The following CLASP1 variants were observed in gnomAD, a reference collection of about 807,000 sequenced individuals.
CLASP1 encodes CLIP-associating protein 1.
A neutral mutation model predicts 192.3 loss-of-function variants in CLASP1; 38 were observed. That is an observed-to-expected ratio of 0.20 (90% CI 0.15 to 0.26). The LOEUF is 0.26. CLASP1 is among the 10% of genes least tolerant of loss of function. The pLI is 1.00. For missense variants in CLASP1, 1,433 were observed against 1,932.5 expected (o/e 0.74, Z 4.85); for synonymous variants, 691 against 712.8 (o/e 0.97, Z 0.49).
chr2:121,373,134 G>C (rs2069119968), intron 34 of CLASP1, among the ~76,000 whole-genome samples: 1 of 152,152 alleles, frequency 6.6e-6, no homozygotes, highest in Admixed American at 6.5e-5. Flanking sequence ...TTCGATCACG[G>C]GGGTGGAATT....
At chr2:121,644,766 G>A (rs2072838315) in intron 1 of CLASP1, among the ~76,000 whole-genome samples, 1 of 152,076 alleles carries the variant, frequency 6.6e-6, no homozygotes, top group Non-Finnish European at 1.5e-5. Context: ...AACATGGTGA[G>A]GCCCTATCTC....
chr2:121,494,171 C>T (rs1400042092), intron 8 of CLASP1, among the ~76,000 whole-genome samples: 2 of 152,160 alleles, frequency 1.3e-5, no homozygotes, highest in Non-Finnish European at 2.9e-5. Flanking sequence ...CAGCACTGTT[C>T]ACAATAGCCA....
chr2:121,451,410 T>C (rs1343380802), intron 15 of CLASP1, among the ~76,000 whole-genome samples: 3 of 152,142 alleles, frequency 2.0e-5, no homozygotes, highest in Non-Finnish European at 4.4e-5. Context: ...CTACATCAAA[T>C]ACAGAGGGAG....
intron 25 of CLASP1, among the ~76,000 whole-genome samples, chr2:121,406,819 G>A (rs577300780): frequency 1.3e-5 from 2 of 152,234 alleles, no homozygotes; most frequent in South Asian, 2.1e-4. Context: ...TCGAACTCCT[G>A]GAGTCAAGTG....
chr2:121,463,101 T>G (rs929185702), intron 9 of CLASP1, among the ~76,000 whole-genome samples: 2 of 152,218 alleles, frequency 1.3e-5, no homozygotes, highest in Non-Finnish European at 2.9e-5. Flanking sequence ...TAACTGTCAT[T>G]TTTTTCACTT....
At chr2:121,509,507 T>G (rs150499705) in intron 7 of CLASP1, among the ~76,000 whole-genome samples, 1 of 152,248 alleles carries the variant, frequency 6.6e-6, no homozygotes, top group African/African-American at 2.4e-5. Context: ...TGGAACATTA[T>G]CCAGGAGTCC....
chr2:121,633,780 G>A (rs572948224), intron 1 of CLASP1, among the ~76,000 whole-genome samples: 11 of 152,236 alleles, frequency 7.2e-5, no homozygotes, highest in Admixed American at 7.2e-4. Context: ...GCAGAGGTGA[G>A]TGGATCATGA....
exon 30 of CLASP1, chr2:121,397,181 T>C (rs200743120): frequency 2.5e-6 from 4 of 1,613,828 alleles, no homozygotes; most frequent in South Asian, 2.2e-5. Context: ...GTCCAGGTTA[T>C]GATTCTAGAA....
chr2:121,620,756 G>A (rs2067208559), intron 1 of CLASP1, among the ~76,000 whole-genome samples: 1 of 152,026 alleles, frequency 6.6e-6, no homozygotes, highest in Non-Finnish European at 1.5e-5. Flanking sequence ...TTTTACTGTT[G>A]ATTTTAAGAA....
chr2:121,624,017 T>C (rs923508189), intron 1 of CLASP1, among the ~76,000 whole-genome samples: 7 of 152,220 alleles, frequency 4.6e-5, no homozygotes, highest in Admixed American at 1.3e-4. Context: ...ATGTCCCTTC[T>C]TTCATTCCTC....
At chr2:121,583,911 G>A (rs994402327) in intron 2 of CLASP1, among the ~76,000 whole-genome samples, 8 of 151,942 alleles carry the variant, frequency 5.3e-5, no homozygotes, top group Admixed American at 1.3e-4. Flanking sequence ...GTAAAAAATC[G>A]TGGGGAGGGC....
At chr2:121,549,288 C>T (rs1291128281) in intron 2 of CLASP1, among the ~76,000 whole-genome samples, 3 of 152,126 alleles carry the variant, frequency 2.0e-5, no homozygotes, top group Non-Finnish European at 4.4e-5. Flanking sequence ...GGGTTGCAAT[C>T]CTAATTTCAG....
At chr2:121,402,623 T>C (rs535479503) in intron 26 of CLASP1, 9 of 518,962 alleles carry the variant, frequency 1.7e-5, no homozygotes, top group South Asian at 1.1e-4. Flanking sequence ...TGGAAACAAA[T>C]TTCCTTCTTT....
At chr2:121,625,306 T>G (rs1235583757) in intron 1 of CLASP1, among the ~76,000 whole-genome samples, 1 of 152,102 alleles carries the variant, frequency 6.6e-6, no homozygotes, top group Admixed American at 6.6e-5. Flanking sequence ...AAAGCAAGTC[T>G]CCCTTCAAAA....
At chr2:121,446,331 T>C (rs990987169) in intron 19 of CLASP1, among the ~76,000 whole-genome samples, 4 of 152,298 alleles carry the variant, frequency 2.6e-5, no homozygotes, top group South Asian at 4.1e-4. Flanking sequence ...GTATGGAAAA[T>C]AGACCTACAG....
intron 39 of CLASP1, among the ~76,000 whole-genome samples, chr2:121,342,382 T>G (rs1162136606): frequency 2.6e-5 from 4 of 152,168 alleles, no homozygotes; most frequent in African/African-American, 9.7e-5. Flanking sequence ...CCTCCCAAAG[T>G]GCTGGGATTA....
At chr2:121,443,641 A>AT (rs946076866) in intron 19 of CLASP1, among the ~76,000 whole-genome samples, 14 of 151,920 alleles carry the variant, frequency 9.2e-5, no homozygotes, top group South Asian at 2.1e-4. Context: ...TAATTCTGGA[A>AT]TTTTTTTTTA....
At chr2:121,521,769 C>G (rs10221809) in intron 6 of CLASP1, among the ~76,000 whole-genome samples, 19,467 of 152,088 alleles carry the variant, frequency 0.13, 1,693 homozygotes, top group African/African-American at 0.24. Context: ...CGCACACTGG[C>G]TTTAGGGAAA....
At chr2:121,459,279 T>C (rs556384811) in intron 12 of CLASP1, among the ~76,000 whole-genome samples, 1 of 152,280 alleles carries the variant, frequency 6.6e-6, no homozygotes, top group African/African-American at 2.4e-5. Context: ...CCTCCCACTT[T>C]GGCTTTCCAA....
Sources: gnomAD v4.1 joint callset for allele counts (sites outside exome capture counted in the v4.1 genomes callset) on GRCh38, gnomAD v4.1.1 for gene constraint, MANE v1.5 for transcripts, NCBI Gene and HGNC (gene_info 2026-07-23, HGNC 2026-07-21) for gene names.